The following SCMH1 variants were observed in gnomAD, a reference collection of about 807,000 sequenced individuals.
SCMH1 encodes the protein polycomb protein SCMH1.
In SCMH1, 37 loss-of-function variants were observed where a neutral mutation model predicts 70.8. That is an observed-to-expected ratio of 0.52 (90% CI 0.40 to 0.69). The LOEUF is 0.69. Ranked by LOEUF, SCMH1 falls within the 30% of genes least tolerant of loss-of-function variation. The probability of loss-of-function intolerance (pLI) is 0.00; values close to 1 mark genes in which losing one functional copy is unlikely to be tolerated. For synonymous variants in SCMH1, 292 were observed against 307.4 expected (o/e 0.95, Z 0.52); for missense variants, 607 against 827.3 (o/e 0.73, Z 3.27).
chr1:41,128,313 T>A (rs1400941739), intron 6 of SCMH1, among the ~76,000 whole-genome samples: 1 of 152,220 alleles, frequency 6.6e-6, no homozygotes, highest in Non-Finnish European at 1.5e-5. Context: ...TCTTTCTGCT[T>A]TAAGGACTTC....
At chr1:41,211,470 T>C (rs1408526413) in intron 1 of SCMH1, among the ~76,000 whole-genome samples, 2 of 152,222 alleles carry the variant, frequency 1.3e-5, no homozygotes, top group Non-Finnish European at 2.9e-5. Flanking sequence ...CACAATGAGA[T>C]ACCATCTCAC....
chr1:41,210,274 C>CA (rs1656684426), intron 1 of SCMH1, among the ~76,000 whole-genome samples: 1 of 65,766 alleles, frequency 1.5e-5, no homozygotes, highest in Admixed American at 2.6e-4. Context: ...GTGAAAATGG[C>CA]ACATTGCCCA....
At chr1:41,084,312 C>T (rs1287233391) in intron 8 of SCMH1, among the ~76,000 whole-genome samples, 10 of 152,208 alleles carry the variant, frequency 6.6e-5, no homozygotes, top group South Asian at 2.1e-4. Context: ...AAAAAGTGGG[C>T]GAAGGACATG....
intron 10 of SCMH1, among the ~76,000 whole-genome samples, chr1:41,058,015 A>C (rs1363759143): frequency 6.6e-6 from 1 of 151,174 alleles, no homozygotes. Flanking sequence ...CCAGCTACAC[A>C]GGAGGCTGAG....
At chr1:41,060,659 T>G (rs1652296324) in intron 10 of SCMH1, among the ~76,000 whole-genome samples, 1 of 152,120 alleles carries the variant, frequency 6.6e-6, no homozygotes, top group Non-Finnish European at 1.5e-5. Context: ...TTCTTTCTTT[T>G]TTTGAGACAG....
intron 13 of SCMH1, among the ~76,000 whole-genome samples, chr1:41,031,066 C>T (rs912574599): frequency 2.0e-5 from 3 of 152,046 alleles, no homozygotes; most frequent in Non-Finnish European, 4.4e-5. Flanking sequence ...GCAGGAGGAT[C>T]GCTTGAGGCC....
intron 6 of SCMH1, among the ~76,000 whole-genome samples, chr1:41,135,744 T>G (rs1643198992): frequency 6.6e-6 from 1 of 152,190 alleles, no homozygotes; most frequent in Non-Finnish European, 1.5e-5. Context: ...TCACTTGCTG[T>G]ATGTGGCTGG....
chr1:41,171,560 T>C (rs746818431), intron 2 of SCMH1, among the ~76,000 whole-genome samples: 3 of 151,844 alleles, frequency 2.0e-5, no homozygotes, highest in Non-Finnish European at 4.4e-5. Flanking sequence ...CAGTGCCAGC[T>C]AGGTGACAGT....
chr1:41,057,583 C>T (rs1003054517), intron 10 of SCMH1, among the ~76,000 whole-genome samples: 2 of 151,938 alleles, frequency 1.3e-5, no homozygotes, highest in Non-Finnish European at 2.9e-5. Flanking sequence ...TACATCATGT[C>T]CAGTTATCAC....
At chr1:41,039,282 A>G (rs549393578) in intron 12 of SCMH1, among the ~76,000 whole-genome samples, 4 of 152,284 alleles carry the variant, frequency 2.6e-5, no homozygotes, top group African/African-American at 7.2e-5. Flanking sequence ...CCTTTCAGCA[A>G]TGCTAAGAAC....
chr1:41,142,517 T>A (rs1644190291), intron 6 of SCMH1, among the ~76,000 whole-genome samples: 1 of 152,232 alleles, frequency 6.6e-6, no homozygotes, highest in African/African-American at 2.4e-5. Flanking sequence ...CTGGCAGATT[T>A]TCTCTCATTT....
At position 41,174,126 on chromosome 1, in the gene SCMH1, G is replaced by C. The variant is rs191614087; in HGVS notation, c.13+11995C>G. On this transcript the variant is annotated intron_variant, in intron 2 of 14. Transcript: ENST00000337495. ...ATAAATAAATGATAAATGTTTGAAG[G>C]GATTGATATACTAATTACCAATTTG... 1.5e-3 allele frequency among the ~76,000 whole-genome samples: 234 copies of C among 152,050 alleles called. 1 individual carries two copies. The highest frequency in any genetic ancestry group is 1.2e-3 in the Non-Finnish European group (84 of 67,984).
chr1:41,205,532 G>A (rs143532911), intron 1 of SCMH1, among the ~76,000 whole-genome samples: 4 of 152,234 alleles, frequency 2.6e-5, no homozygotes, highest in Admixed American at 2.0e-4. Flanking sequence ...ATCCTCGCGG[G>A]GGGGAGGGGC....
At chr1:41,027,213 G>GT (rs1643928950) in exon 15 of SCMH1, 1 of 152,208 alleles carries the variant, frequency 6.6e-6, no homozygotes, top group Admixed American at 6.5e-5. Flanking sequence ...ATCTATATTG[G>GT]TTTTTATTTA....
chr1:41,115,459 T>A (rs1201943695), intron 7 of SCMH1, among the ~76,000 whole-genome samples: 3 of 152,120 alleles, frequency 2.0e-5, no homozygotes, highest in Non-Finnish European at 4.4e-5. Context: ...ATTTCTAGAA[T>A]CAGGGTCTTG....
chr1:41,028,716 T>C (rs1320325803), exon 14 of SCMH1: 1 of 1,613,990 alleles, frequency 6.2e-7, no homozygotes, highest in Non-Finnish European at 8.5e-7. Flanking sequence ...TCTCCAGGTA[T>C]CGGTCCGACC....
intron 1 of SCMH1, among the ~76,000 whole-genome samples, chr1:41,187,974 C>G (rs941889762): frequency 1.3e-5 from 2 of 151,876 alleles, no homozygotes; most frequent in African/African-American, 4.8e-5. Flanking sequence ...GCAACAGAAA[C>G]ACTGTCTCAA....
intron 2 of SCMH1, among the ~76,000 whole-genome samples, chr1:41,165,751 T>C (rs908839409): frequency 3.3e-5 from 5 of 152,110 alleles, no homozygotes; most frequent in African/African-American, 4.8e-5. Flanking sequence ...TGTTGCTGAG[T>C]AGTTTGAGTT....
intron 1 of SCMH1, among the ~76,000 whole-genome samples, chr1:41,219,571 G>A (rs890149039): frequency 5.3e-5 from 8 of 152,178 alleles, no homozygotes; most frequent in African/African-American, 1.9e-4. Flanking sequence ...GGTTAAAACA[G>A]AATACCATAA....
Sources: allele counts gnomAD v4.1 joint callset (sites outside exome capture counted in the v4.1 genomes callset), GRCh38; gene constraint gnomAD v4.1.1; transcripts MANE v1.5; gene names NCBI Gene and HGNC (gene_info 2026-07-23, HGNC 2026-07-21).